POFUT3: variants seen among roughly 807,000 people sequenced by gnomAD.
POFUT3 encodes GDP-fucose protein O-fucosyltransferase 3.
chr8:33,451,152 AG>A, the POFUT3 span, among the ~76,000 whole-genome samples: 1 of 151,524 alleles, frequency 6.6e-6, no homozygotes, highest in African/African-American at 2.4e-5. Context: ...TGGGACCAGG[AG>A]TTTTTTAGAT....
chr8:33,452,160 T>C, the POFUT3 span: 1 of 152,164 alleles, frequency 6.6e-6, no homozygotes, highest in Non-Finnish European at 1.5e-5. Flanking sequence ...TGTATACGTG[T>C]GTACAACTTG....
the POFUT3 span, among the ~76,000 whole-genome samples, chr8:33,335,852 T>G: frequency 6.6e-6 from 1 of 152,198 alleles, no homozygotes; most frequent in East Asian, 1.9e-4. Context: ...GTCTTCATCC[T>G]CATGATCTTC....
chr8:33,437,984 C>G, the POFUT3 span, among the ~76,000 whole-genome samples: 1 of 152,052 alleles, frequency 6.6e-6, no homozygotes, highest in Admixed American at 6.6e-5. Context: ...ATTTAGACAC[C>G]TGTACTCAGG....
chr8:33,455,835 A>C, the POFUT3 span: 1 of 454,830 alleles, frequency 2.2e-6, no homozygotes, highest in Non-Finnish European at 4.4e-6. Context: ...CATTGCATGG[A>C]GTCTGTAACT....
At chr8:33,381,557 G>C in the POFUT3 span, among the ~76,000 whole-genome samples, 4 of 152,198 alleles carry the variant, frequency 2.6e-5, no homozygotes, top group Non-Finnish European at 4.4e-5. Context: ...CTCCTGGTAA[G>C]TGCCCATTTG....
the POFUT3 span, among the ~76,000 whole-genome samples, chr8:33,440,413 T>C: frequency 1.3e-5 from 2 of 152,168 alleles, no homozygotes; most frequent in African/African-American, 4.8e-5. Context: ...CCCTGTCTGG[T>C]GGCATGCTGT....
the POFUT3 span, among the ~76,000 whole-genome samples, chr8:33,419,797 T>C: frequency 6.6e-6 from 1 of 151,930 alleles, no homozygotes; most frequent in Non-Finnish European, 1.5e-5. Flanking sequence ...AGGTCATTTA[T>C]TTAAACTTCA....
At chr8:33,458,131 C>T in the POFUT3 span, among the ~76,000 whole-genome samples, 1 of 152,016 alleles carries the variant, frequency 6.6e-6, no homozygotes, top group Non-Finnish European at 1.5e-5. Flanking sequence ...AATTTTGACA[C>T]ACACAATTAC....
At chr8:33,419,213 T>C in the POFUT3 span, among the ~76,000 whole-genome samples, 130 of 152,288 alleles carry the variant, frequency 8.5e-4, no homozygotes, top group African/African-American at 3.0e-3. Context: ...TTGAAATAGC[T>C]AGACTAGAAG....
At chr8:33,431,447 T>C in the POFUT3 span, among the ~76,000 whole-genome samples, 3 of 143,914 alleles carry the variant, frequency 2.1e-5, no homozygotes, top group East Asian at 2.1e-4. Flanking sequence ...ACTTGGGAGG[T>C]TGAGGCACAA....
the POFUT3 span, among the ~76,000 whole-genome samples, chr8:33,470,248 A>C: frequency 1.2e-4 from 4 of 34,258 alleles, no homozygotes; most frequent in East Asian, 8.8e-4. Flanking sequence ...AAAAAAAAAA[A>C]AAAAAAAAAA....
the POFUT3 span, among the ~76,000 whole-genome samples, chr8:33,345,377 C>T: frequency 1.3e-5 from 2 of 150,794 alleles, no homozygotes; most frequent in African/African-American, 4.9e-5. Context: ...GACAATTAAT[C>T]ACCACATGTG....
At chr8:33,413,772 A>G in the POFUT3 span, among the ~76,000 whole-genome samples, 11 of 152,200 alleles carry the variant, frequency 7.2e-5, no homozygotes, top group Admixed American at 1.3e-4. Context: ...AATAATATAT[A>G]TAATGAATAA....
chr8:33,362,103 G>C, the POFUT3 span, among the ~76,000 whole-genome samples: 1 of 152,074 alleles, frequency 6.6e-6, no homozygotes, highest in African/African-American at 2.4e-5. Context: ...AAGAGAGTAT[G>C]GGCCAATATT....
At chr8:33,470,773 C>T in the POFUT3 span, among the ~76,000 whole-genome samples, 1 of 152,140 alleles carries the variant, frequency 6.6e-6, no homozygotes, top group Non-Finnish European at 1.5e-5. Context: ...GTAACACTGA[C>T]AAAATGTAGC....
chr8:33,365,763 C>G, the POFUT3 span, among the ~76,000 whole-genome samples: 96 of 152,274 alleles, frequency 6.3e-4, no homozygotes, highest in South Asian at 3.3e-3. Flanking sequence ...ACAACAGATG[C>G]TGAAGAGGAT....
At chr8:33,460,010 A>T in the POFUT3 span, among the ~76,000 whole-genome samples, 1 of 152,252 alleles carries the variant, frequency 6.6e-6, no homozygotes, top group African/African-American at 2.4e-5. Flanking sequence ...AGCCTGGCCA[A>T]CATGGTGAAA....
the POFUT3 span, among the ~76,000 whole-genome samples, chr8:33,355,660 TA>T: frequency 5.9e-5 from 9 of 151,262 alleles, no homozygotes; most frequent in South Asian, 4.2e-4. Flanking sequence ...ACAACACATT[TA>T]TTTTTTTTTT....
At chr8:33,372,540 A>G in the POFUT3 span, 1 of 1,583,444 alleles carries the variant, frequency 6.3e-7, no homozygotes, top group Non-Finnish European at 8.6e-7. Context: ...AAACCTCAAG[A>G]AGGCTCTAGT....
Sources: allele counts gnomAD v4.1 joint callset (sites outside exome capture counted in the v4.1 genomes callset), GRCh38; gene constraint gnomAD v4.1.1; transcripts MANE v1.5; gene names NCBI Gene and HGNC (gene_info 2026-07-23, HGNC 2026-07-21).